Variants in KLHDC1 observed in about 807,000 individuals in gnomAD.
KLHDC1 encodes kelch domain-containing protein 1.
KLHDC1 carries 53 observed loss-of-function variants against 68.3 expected under a neutral mutation model. That is an observed-to-expected ratio of 0.78 (90% confidence interval 0.62 to 0.98). The LOEUF (loss-of-function observed/expected upper bound fraction) is 0.98, where lower values mean the gene tolerates loss of function less well. Among genes scored for constraint, KLHDC1 ranks in the 50% least tolerant of loss-of-function variants. The pLI is 0.00. For synonymous variants in KLHDC1, 148 were observed against 159.0 expected, an observed-to-expected ratio of 0.93 and a Z score of 0.52; for missense variants, 470 against 492.3, an observed-to-expected ratio of 0.95 and a Z score of 0.43.
intron 1 of KLHDC1, among the ~76,000 whole-genome samples, chr14:49,707,338 C>CTTT (rs1191432812): frequency 3.2e-4 from 20 of 61,774 alleles, no homozygotes; most frequent in Non-Finnish European, 3.8e-4. Context: ...ACAAGATATT[C>CTTT]TTTTTTTTTT....
chr14:49,711,910 CTTTTTTTTTT>C (rs992092493), intron 4 of KLHDC1, among the ~76,000 whole-genome samples: 3 of 76,610 alleles, frequency 3.9e-5, no homozygotes, highest in Admixed American at 1.4e-4. Context: ...TTTTCTTTTT[CTTTTTTTTTT>C]TTTTTTTTTT....
intron 12 of KLHDC1, among the ~76,000 whole-genome samples, chr14:49,744,067 T>G (rs1231653603): frequency 6.6e-6 from 1 of 151,972 alleles, no homozygotes; most frequent in Non-Finnish European, 1.5e-5. Context: ...GAGGATCACT[T>G]GAGGTCAGGA....
At chr14:49,704,125 G>A (rs1276106514) in intron 1 of KLHDC1, among the ~76,000 whole-genome samples, 1 of 152,104 alleles carries the variant, frequency 6.6e-6, no homozygotes, top group Non-Finnish European at 1.5e-5. Flanking sequence ...CTGGCCTTAC[G>A]TTTTTGCCGT....
intron 4 of KLHDC1, among the ~76,000 whole-genome samples, chr14:49,714,291 G>A (rs1594660081): frequency 6.6e-6 from 1 of 151,452 alleles, no homozygotes; most frequent in South Asian, 2.1e-4. Context: ...GGCCAGCATA[G>A]TGAAACCCTG....
intron 1 of KLHDC1, among the ~76,000 whole-genome samples, chr14:49,705,496 A>G (rs1888027658): frequency 6.8e-6 from 1 of 147,374 alleles, no homozygotes; most frequent in Non-Finnish European, 1.5e-5. Flanking sequence ...AGCCTCCTGA[A>G]TAGCTAAGAC....
intron 12 of KLHDC1, among the ~76,000 whole-genome samples, chr14:49,747,444 C>T (rs915919560): frequency 1.3e-5 from 2 of 152,124 alleles, no homozygotes; most frequent in African/African-American, 4.8e-5. Context: ...GTTAGAAACA[C>T]AAGAAAATGC....
At chr14:49,743,691 C>A in intron 11 of KLHDC1, 62 bp from the exon 12 acceptor site, 2 of 937,704 alleles carry the variant, frequency 2.1e-6, no homozygotes, top group South Asian at 2.9e-5. Context: ...AAGAAACATT[C>A]AATTATTAAC....
chr14:49,742,395 C>T (rs544053744), intron 11 of KLHDC1, among the ~76,000 whole-genome samples: 87 of 150,818 alleles, frequency 5.8e-4, no homozygotes, highest in Non-Finnish European at 9.9e-4. Context: ...GAGGGCTGGG[C>T]GTGGTGGCTC....
chr14:49,740,121 GA>G lies in KLHDC1; in HGVS notation c.924del (p.Glu309LysfsTer4). The G allele has an allele frequency of 6.2e-7, 1 of 1,611,350 alleles. No homozygotes were observed. Among genetic ancestry groups the G allele is most frequent in the Non-Finnish European group, 8.5e-7 (1 of 1,177,974 alleles). ...RPRLWHTACL[G>X]KENEIMVFGG... ...AGGTTATGGCACACAGCCTGTTTGG[GA>G]AAAGAAAATGAAATAATGGTATTTG... On this transcript the variant is annotated frameshift_variant, in exon 11 of 13. Coordinates refer to ENST00000359332, the MANE Select transcript of KLHDC1 (RefSeq NM_172193.3). LOFTEE classifies it high-confidence loss of function.
chr14:49,718,734 T>C (rs1052651400), intron 4 of KLHDC1, among the ~76,000 whole-genome samples: 4 of 151,664 alleles, frequency 2.6e-5, no homozygotes, highest in African/African-American at 9.7e-5. Context: ...GAATCAACTT[T>C]TGTTTTGTTG....
chr14:49,710,888 C>T (rs545222548), intron 4 of KLHDC1, among the ~76,000 whole-genome samples: 1 of 152,186 alleles, frequency 6.6e-6, no homozygotes, highest in African/African-American at 2.4e-5. Flanking sequence ...TTCTTTATGT[C>T]CTTTACTGTA....
intron 4 of KLHDC1, among the ~76,000 whole-genome samples, chr14:49,710,818 C>T (rs920978988): frequency 6.6e-6 from 1 of 152,066 alleles, no homozygotes. Flanking sequence ...CTCCTCACTC[C>T]CTGCTTATCA....
intron 12 of KLHDC1, among the ~76,000 whole-genome samples, chr14:49,748,803 CT>C (rs988569915): frequency 4.8e-5 from 7 of 145,242 alleles, no homozygotes; most frequent in African/African-American, 7.7e-5. Flanking sequence ...AATTTTTTTT[CT>C]TTTTTTTTTC....
intron 12 of KLHDC1, among the ~76,000 whole-genome samples, chr14:49,746,982 T>G (rs1889213730): frequency 6.7e-6 from 1 of 150,324 alleles, no homozygotes. Context: ...CGGAGTCTCA[T>G]TCTCACCCAG....
At chr14:49,693,427 C>T (rs1395624891) in intron 1 of KLHDC1, 137 bp downstream of exon 1, 1 of 427,602 alleles carries the variant, frequency 2.3e-6, no homozygotes, top group Non-Finnish European at 3.9e-6. Context: ...CCCAGCCCCT[C>T]CGCTGGCCGC....
intron 6 of KLHDC1, 74 bp downstream of exon 6, chr14:49,725,843 TTTTTGTTTTG>T: frequency 1.3e-6 from 1 of 796,234 alleles, no homozygotes. Flanking sequence ...TTTGGGTTTT[TTTTTGTTTTG>T]TTTTGTGTTT....
At chr14:49,722,970 C>T (rs1322656707) in intron 4 of KLHDC1, among the ~76,000 whole-genome samples, 1 of 150,376 alleles carries the variant, frequency 6.6e-6, no homozygotes, top group Non-Finnish European at 1.5e-5. Flanking sequence ...GCCTGTAATC[C>T]CAGCTACGCA....
intron 11 of KLHDC1, among the ~76,000 whole-genome samples, chr14:49,741,961 T>C (rs1290884689): frequency 6.6e-6 from 1 of 152,210 alleles, no homozygotes; most frequent in African/African-American, 2.4e-5. Flanking sequence ...TCTCCAGAGC[T>C]GCTCCTATGG....
intron 1 of KLHDC1, among the ~76,000 whole-genome samples, chr14:49,702,533 AC>A (rs1390910685): frequency 6.6e-6 from 1 of 152,008 alleles, no homozygotes; most frequent in African/African-American, 2.4e-5. Context: ...TTTTTAAATG[AC>A]CAGAATATAA....
Sources: gnomAD v4.1 joint callset for allele counts (sites outside exome capture counted in the v4.1 genomes callset) on GRCh38, gnomAD v4.1.1 for gene constraint, MANE v1.5 for transcripts, NCBI Gene and HGNC (gene_info 2026-07-23, HGNC 2026-07-21) for gene names.